WWOX: variants seen among roughly 807,000 people sequenced by gnomAD.
WWOX encodes WW domain containing oxidoreductase, also known as WW domain-containing oxidoreductase.
WWOX carries 69 observed loss-of-function variants against 46.2 expected under a neutral mutation model. The ratio of observed to expected loss-of-function variants is 1.49; its 90% CI spans 1.23 to 1.82. The LOEUF (loss-of-function observed/expected upper bound fraction) is 1.82, where lower values mean the gene tolerates loss of function less well. Ranked by LOEUF, WWOX falls within the 40% of genes most tolerant of loss-of-function variation. The pLI is 0.00. For synonymous variants in WWOX, 359 were observed against 202.6 expected, an observed-to-expected ratio of 1.77 and a Z score of -6.56; for missense variants, 919 against 542.6, an observed-to-expected ratio of 1.69 and a Z score of -6.89.
At chr16:78,710,822 GC>G (rs2048429588) in intron 8 of WWOX, among the ~76,000 whole-genome samples, 1 of 151,658 alleles carries the variant, frequency 6.6e-6, no homozygotes, top group Admixed American at 6.6e-5. Context: ...TCCCTTTGTG[GC>G]CCAGGCTGAT....
intron 8 of WWOX, among the ~76,000 whole-genome samples, chr16:79,177,969 C>G (rs1311753646): frequency 6.6e-6 from 1 of 152,118 alleles, no homozygotes; most frequent in Non-Finnish European, 1.5e-5. Context: ...GTTGAGGGCT[C>G]GTTCCCTGGC....
intron 8 of WWOX, among the ~76,000 whole-genome samples, chr16:78,545,105 T>A (rs996515639): frequency 6.6e-6 from 1 of 152,212 alleles, no homozygotes; most frequent in Non-Finnish European, 1.5e-5. Context: ...TTAGTGATTC[T>A]CTAAGTACAT....
intron 8 of WWOX, among the ~76,000 whole-genome samples, chr16:78,950,517 AACACAC>A (rs748466625): frequency 1.9e-5 from 2 of 105,152 alleles, no homozygotes; most frequent in Non-Finnish European, 3.9e-5. Context: ...CTATTAAAGG[AACACAC>A]ACACACACAT....
intron 8 of WWOX, among the ~76,000 whole-genome samples, chr16:78,722,647 A>G (rs1391036393): frequency 2.6e-5 from 4 of 151,468 alleles, no homozygotes; most frequent in African/African-American, 9.7e-5. Flanking sequence ...TAACAAGAGT[A>G]GAAGAGGGAT....
intron 8 of WWOX, among the ~76,000 whole-genome samples, chr16:79,067,249 A>T (rs1278089958): frequency 1.3e-5 from 2 of 152,170 alleles, no homozygotes; most frequent in African/African-American, 4.8e-5. Flanking sequence ...GCTTTAAAAC[A>T]CATCAGATCA....
chr16:78,922,477 C>G (rs915124900), intron 8 of WWOX, among the ~76,000 whole-genome samples: 1 of 151,150 alleles, frequency 6.6e-6, no homozygotes, highest in African/African-American at 2.4e-5. Context: ...CTCCCGGGTT[C>G]AAGCGATTCT....
chr16:78,452,825 T>C (rs2151413765), intron 8 of WWOX, among the ~76,000 whole-genome samples: 1 of 149,446 alleles, frequency 6.7e-6, no homozygotes, highest in East Asian at 2.0e-4. Context: ...TTTTTCTACA[T>C]TCCGTTTCCC....
intron 5 of WWOX, among the ~76,000 whole-genome samples, chr16:78,323,069 C>T (rs2080522454): frequency 6.6e-6 from 1 of 152,036 alleles, no homozygotes; most frequent in Non-Finnish European, 1.5e-5. Flanking sequence ...ACAGGCGTTC[C>T]TTACCTACAG....
At chr16:78,382,180 C>T (rs2081968846) in intron 5 of WWOX, among the ~76,000 whole-genome samples, 1 of 152,182 alleles carries the variant, frequency 6.6e-6, no homozygotes. Flanking sequence ...TGTTGTTCCT[C>T]ACTTTCTGTT....
intron 8 of WWOX, among the ~76,000 whole-genome samples, chr16:78,493,342 G>T (rs568019867): frequency 6.6e-6 from 1 of 152,302 alleles, no homozygotes; most frequent in Admixed American, 6.5e-5. Flanking sequence ...TGGAAAGAAA[G>T]GATTCACTGC....
At chr16:78,294,379 G>T (rs113409041) in intron 5 of WWOX, among the ~76,000 whole-genome samples, 1 of 151,404 alleles carries the variant, frequency 6.6e-6, no homozygotes, top group South Asian at 2.1e-4. Context: ...TGTTGTTCCT[G>T]GTCTTGCCAC....
chr16:79,082,632 C>A (rs2048782024), intron 8 of WWOX, among the ~76,000 whole-genome samples: 1 of 152,112 alleles, frequency 6.6e-6, no homozygotes, highest in Admixed American at 6.5e-5. Context: ...TCATCCTATA[C>A]CTATAGTTAC....
intron 8 of WWOX, among the ~76,000 whole-genome samples, chr16:79,084,214 C>G (rs1274846525): frequency 6.6e-6 from 1 of 152,102 alleles, no homozygotes; most frequent in African/African-American, 2.4e-5. Flanking sequence ...TGCATATTTG[C>G]AAATGCATTT....
intron 8 of WWOX, among the ~76,000 whole-genome samples, chr16:78,642,833 T>C (rs1427953247): frequency 1.3e-5 from 2 of 152,178 alleles, no homozygotes; most frequent in Admixed American, 1.3e-4. Flanking sequence ...TCCAGCTCTT[T>C]AGGATTAGGC....
intron 8 of WWOX, among the ~76,000 whole-genome samples, chr16:79,141,275 T>A (rs2050084204): frequency 6.6e-6 from 1 of 152,166 alleles, no homozygotes; most frequent in African/African-American, 2.4e-5. Context: ...GTCCCACCTT[T>A]CCAGACCGAA....
At chr16:78,580,337 G>A (rs2045017663) in intron 8 of WWOX, among the ~76,000 whole-genome samples, 1 of 152,174 alleles carries the variant, frequency 6.6e-6, no homozygotes, top group Non-Finnish European at 1.5e-5. Flanking sequence ...GCCTCCCAAA[G>A]TATTGGAATA....
intron 8 of WWOX, among the ~76,000 whole-genome samples, chr16:78,813,692 C>T (rs755720276): frequency 3.0e-4 from 45 of 152,042 alleles, no homozygotes; most frequent in Non-Finnish European, 5.7e-4. Flanking sequence ...CACATTCATT[C>T]GATGTTTGTT....
intron 8 of WWOX, among the ~76,000 whole-genome samples, chr16:78,450,727 T>G (rs1038727291): frequency 3.3e-5 from 5 of 152,214 alleles, no homozygotes; most frequent in African/African-American, 1.2e-4. Context: ...ATGTGTATGA[T>G]TTGTCTCTTT....
intron 5 of WWOX, chr16:78,267,004 C>G (rs966290395): frequency 6.5e-6 from 1 of 153,764 alleles, no homozygotes; most frequent in Non-Finnish European, 1.4e-5. Context: ...GAATAAGTCT[C>G]ACAAGATCTG....
Sources: allele counts gnomAD v4.1 joint callset (sites outside exome capture counted in the v4.1 genomes callset), GRCh38; gene constraint gnomAD v4.1.1; transcripts MANE v1.5; gene names NCBI Gene and HGNC (gene_info 2026-07-23, HGNC 2026-07-21).